Variants in PTPRD observed in about 807,000 individuals in gnomAD.
PTPRD encodes receptor-type tyrosine-protein phosphatase delta.
Under a neutral mutation model 214.5 loss-of-function variants are expected in PTPRD, and 34 were observed. That is an observed-to-expected ratio of 0.16 (90% CI 0.12 to 0.21). The LOEUF (loss-of-function observed/expected upper bound fraction) is 0.21, where lower values mean the gene tolerates loss of function less well. Ranked by LOEUF, PTPRD falls within the 10% of genes least tolerant of loss-of-function variation. The pLI is 1.00. For synonymous variants in PTPRD, 1,128 were observed against 845.7 expected (o/e 1.33, Z -5.79); for missense variants, 2,545 against 2,398.7 (o/e 1.06, Z -1.27).
At chr9:9,594,751 G>A (rs770941555) in intron 7 of PTPRD, among the ~76,000 whole-genome samples, 14 of 152,072 alleles carry the variant, frequency 9.2e-5, no homozygotes, top group East Asian at 1.9e-4. Context: ...TGGCTATGTC[G>A]GCTTTTTGCA....
At chr9:9,333,978 T>C (rs2043403202) in intron 9 of PTPRD, among the ~76,000 whole-genome samples, 2 of 152,072 alleles carry the variant, frequency 1.3e-5, no homozygotes, top group Admixed American at 6.6e-5. Flanking sequence ...TTAGAATCTA[T>C]GTGAGGGGGA....
At chr9:8,419,234 TAA>T (rs367987989) in intron 35 of PTPRD, among the ~76,000 whole-genome samples, 7 of 99,588 alleles carry the variant, frequency 7.0e-5, no homozygotes, top group Non-Finnish European at 8.7e-5. Context: ...TCCAAAAAAT[TAA>T]AAAAAAAAAA....
intron 3 of PTPRD, among the ~76,000 whole-genome samples, chr9:10,056,203 C>A (rs1339785691): frequency 3.3e-5 from 5 of 151,830 alleles, no homozygotes; most frequent in African/African-American, 1.2e-4. Flanking sequence ...TGCCTGTTAT[C>A]CCAGCTAGTC....
intron 10 of PTPRD, among the ~76,000 whole-genome samples, chr9:9,130,912 T>A (rs1208382800): frequency 1.3e-5 from 2 of 152,206 alleles, no homozygotes; most frequent in Non-Finnish European, 2.9e-5. Context: ...CCGTTGTTTT[T>A]AATGGATCCT....
chr9:9,488,779 A>C (rs79324220), intron 8 of PTPRD, among the ~76,000 whole-genome samples: 4 of 152,230 alleles, frequency 2.6e-5, no homozygotes, highest in Non-Finnish European at 5.9e-5. Context: ...GATGAATTTC[A>C]ATGCTCAGCA....
intron 7 of PTPRD, among the ~76,000 whole-genome samples, chr9:9,692,760 A>C (rs559093358): frequency 6.6e-6 from 1 of 152,060 alleles, no homozygotes; most frequent in African/African-American, 2.4e-5. Flanking sequence ...CAATCCATGA[A>C]CATGAAAATT....
intron 10 of PTPRD, among the ~76,000 whole-genome samples, chr9:9,107,223 T>C (rs1214134261): frequency 3.9e-5 from 6 of 152,192 alleles, no homozygotes; most frequent in African/African-American, 1.4e-4. Flanking sequence ...GACTTTGAAA[T>C]AATCTAGTAT....
At chr9:8,423,706 G>C (rs1281327979) in intron 35 of PTPRD, among the ~76,000 whole-genome samples, 4 of 151,988 alleles carry the variant, frequency 2.6e-5, no homozygotes, top group Non-Finnish European at 5.9e-5. Context: ...TAGACAAGTA[G>C]GTAGACTCTG....
chr9:8,380,712 T>A (rs930016056), intron 37 of PTPRD, among the ~76,000 whole-genome samples: 1 of 152,124 alleles, frequency 6.6e-6, no homozygotes. Flanking sequence ...ATTGCAAATA[T>A]CTGGTAGGAG....
intron 14 of PTPRD, among the ~76,000 whole-genome samples, chr9:8,614,128 T>C (rs72698228): frequency 1.2e-3 from 181 of 152,282 alleles, no homozygotes; most frequent in South Asian, 2.1e-3. Context: ...TTGGTAAATG[T>C]CATTTAAGAT....
intron 2 of PTPRD, among the ~76,000 whole-genome samples, chr9:10,502,435 A>G (rs975335673): frequency 6.6e-6 from 1 of 152,068 alleles, no homozygotes; most frequent in African/African-American, 2.4e-5. Flanking sequence ...GCTATTTGCA[A>G]ATTTAAAATT....
intron 10 of PTPRD, among the ~76,000 whole-genome samples, chr9:9,070,299 G>A (rs761984305): frequency 3.3e-5 from 5 of 152,034 alleles, no homozygotes; most frequent in Admixed American, 1.3e-4. Context: ...TACATAAGGC[G>A]TCTTGTAATT....
intron 3 of PTPRD, among the ~76,000 whole-genome samples, chr9:10,265,413 A>C (rs1048873354): frequency 6.6e-6 from 1 of 152,232 alleles, no homozygotes; most frequent in Non-Finnish European, 1.5e-5. Context: ...CCGTAGCCAC[A>C]TGAGTGAGTC....
rs757744023 is a variant in PTPRD at position 8,507,159 on chromosome 9, C to G, written c.1677+142G>C. 3 of 921,424 alleles carry G rather than the reference C, an allele frequency of 3.3e-6. No individual in the cohort carries two copies. In the African/African-American group the frequency reaches 5.2e-5, roughly 16 times the overall value. 57.1% of individuals were successfully genotyped at this position (921,424 alleles called of 1,614,324 possible). A position where few individuals can be genotyped will look rare whatever the true frequency, so the allele number is the denominator to read the frequency against. ...GTTTTTCTTGGGGGGGAGGGGGAGT[C>G]AAGTTCCTCTTTTAATTAGTAAATC... On this transcript the variant is annotated intron_variant, in intron 22 of 45. Coordinates refer to ENST00000381196, the MANE Select transcript of PTPRD (RefSeq NM_002839.4).
At chr9:9,442,979 G>A (rs774348498) in intron 8 of PTPRD, among the ~76,000 whole-genome samples, 1 of 152,076 alleles carries the variant, frequency 6.6e-6, no homozygotes, top group Non-Finnish European at 1.5e-5. Context: ...ATATATATGT[G>A]TGTGTGTGTA....
At chr9:8,966,338 G>T (rs1327643505) in intron 11 of PTPRD, among the ~76,000 whole-genome samples, 1 of 151,804 alleles carries the variant, frequency 6.6e-6, no homozygotes, top group Non-Finnish European at 1.5e-5. Context: ...CTCATTACCT[G>T]ACTTCAAACT....
At chr9:9,493,971 C>T (rs2096053516) in intron 8 of PTPRD, among the ~76,000 whole-genome samples, 1 of 151,906 alleles carries the variant, frequency 6.6e-6, no homozygotes, top group African/African-American at 2.4e-5. Context: ...GAGAGAAGGC[C>T]AAAATATCAA....
At chr9:10,560,839 T>G (rs1241033139) in intron 2 of PTPRD, among the ~76,000 whole-genome samples, 1 of 152,216 alleles carries the variant, frequency 6.6e-6, no homozygotes, top group Non-Finnish European at 1.5e-5. Flanking sequence ...AGGATGCTAG[T>G]GGCTACCATA....
intron 37 of PTPRD, among the ~76,000 whole-genome samples, chr9:8,379,778 T>C (rs945813243): frequency 6.6e-6 from 1 of 152,180 alleles, no homozygotes. Context: ...CAGGAGCTAC[T>C]GAATACGAAT....
Sources: gnomAD v4.1 joint callset for allele counts (sites outside exome capture counted in the v4.1 genomes callset) on GRCh38, gnomAD v4.1.1 for gene constraint, MANE v1.5 for transcripts, NCBI Gene and HGNC (gene_info 2026-07-23, HGNC 2026-07-21) for gene names.